ANO6: variants seen among roughly 807,000 people sequenced by gnomAD.
ANO6 encodes the protein anoctamin-6.
Under a neutral mutation model 117.5 loss-of-function variants are expected in ANO6, and 106 were observed. That is an observed-to-expected ratio of 0.90 (90% CI 0.77 to 1.06). The LOEUF is 1.06. Among genes scored for constraint, ANO6 ranks in the 50% least tolerant of loss-of-function variants. The pLI, the probability that ANO6 is intolerant of heterozygous loss-of-function variation, is 0.00. For missense variants in ANO6, 955 were observed against 1,121.1 expected (o/e 0.85, Z 2.12); for synonymous variants, 367 against 385.1 (o/e 0.95, Z 0.55).
At chr12:45,405,265 A>C (rs1345554303) in intron 15 of ANO6, among the ~76,000 whole-genome samples, 1 of 152,204 alleles carries the variant, frequency 6.6e-6, no homozygotes, top group African/African-American at 2.4e-5. Flanking sequence ...GAGATTAAAA[A>C]GGGTTTTCTG....
chr12:45,280,962 ATC>A (rs1430518298), intron 1 of ANO6, among the ~76,000 whole-genome samples: 1 of 151,940 alleles, frequency 6.6e-6, no homozygotes, highest in East Asian at 1.9e-4. Context: ...TGCTTCTCCC[ATC>A]TGTCATCTTT....
intron 7 of ANO6, among the ~76,000 whole-genome samples, chr12:45,354,863 A>G (rs1284152904): frequency 1.3e-5 from 2 of 152,236 alleles, no homozygotes; most frequent in Admixed American, 1.3e-4. Context: ...TAATGTAACT[A>G]TGTCAGGATG....
chr12:45,421,172 A>AG lies in ANO6; in HGVS notation c.2322dup (p.Tyr775ValfsTer25), dbSNP rs1217423441. On this transcript the variant is annotated frameshift_variant, in exon 18 of 20. Coordinates refer to ENST00000320560, the MANE Select transcript of ANO6 (RefSeq NM_001025356.3). LOFTEE classifies it high-confidence loss of function. ...GGGACCACACTTCCTACACCATGGAAGGGTACATCAACAACACTCTCTCCA... is the reference window on the plus strand; with the variant it reads ...GGGACCACACTTCCTACACCATGGAAGGGGTACATCAACAACACTCTCTCCA... 6.2e-7 allele frequency: 1 copy of AG among 1,614,164 alleles called. No homozygotes were observed. The highest frequency in any genetic ancestry group is 1.7e-5 in the Admixed American group (1 of 60,014).
chr12:45,223,388 CT>C (rs1195579194), intron 1 of ANO6, among the ~76,000 whole-genome samples: 2 of 152,178 alleles, frequency 1.3e-5, no homozygotes, highest in Non-Finnish European at 2.9e-5. Context: ...TGATTGCTTG[CT>C]TGTTGCTGGG....
rs559050785 is a variant in ANO6 at position 45,219,455 on chromosome 12, C to T, written c.70+3064C>T. Among the ~76,000 whole-genome samples, 43 of 152,128 alleles carry T rather than the reference C, an allele frequency of 2.8e-4. 1 individual carries two copies. The South Asian group carries it at 8.9e-3, about 32-fold the overall frequency. On this transcript the variant is annotated intron_variant, in intron 1 of 19. Transcript: ENST00000320560. ...GGCTCAAGCAATTCTCCAACCTTAGCCTCTTGAGTAGCTGGGACCACAGGC... is the reference window on the plus strand; with the variant it reads ...GGCTCAAGCAATTCTCCAACCTTAGTCTCTTGAGTAGCTGGGACCACAGGC...
downstream of ANO6, among the ~76,000 whole-genome samples, chr12:45,437,232 T>A (rs986251199): frequency 2.0e-5 from 3 of 152,208 alleles, no homozygotes; most frequent in African/African-American, 7.2e-5. Flanking sequence ...GCCTTTTTAC[T>A]GTCATTCTCT....
intron 10 of ANO6, among the ~76,000 whole-genome samples, chr12:45,385,152 C>T (rs1484927311): frequency 1.3e-5 from 2 of 152,276 alleles, no homozygotes; most frequent in South Asian, 4.2e-4. Context: ...AACCAAATCC[C>T]TGCACATGTG....
At chr12:45,264,550 A>T (rs749305755) in intron 1 of ANO6, among the ~76,000 whole-genome samples, 21 of 152,230 alleles carry the variant, frequency 1.4e-4, no homozygotes, top group Admixed American at 6.5e-5. Flanking sequence ...GCAACCTGTC[A>T]TGGACCAAAG....
intron 9 of ANO6, among the ~76,000 whole-genome samples, chr12:45,377,269 A>G (rs907871375): frequency 2.0e-5 from 3 of 152,176 alleles, no homozygotes; most frequent in Non-Finnish European, 2.9e-5. Flanking sequence ...AGGAAATGTA[A>G]AAATGCTCAC....
chr12:45,360,812 C>T (rs981684133), intron 8 of ANO6, among the ~76,000 whole-genome samples: 12 of 152,026 alleles, frequency 7.9e-5, no homozygotes, highest in African/African-American at 2.9e-4. Context: ...TTTCCATATC[C>T]GGGTATACCA....
At position 45,278,557 on chromosome 12, in the gene ANO6, T is replaced by A. The variant is rs183781440; in HGVS notation, c.71-23457T>A. ...TTTAATTTCCAAAAGCTCTTTTTTT[T>A]ATTCTTTGACTATTTCTCTCTTTCT... On this transcript the variant is annotated intron_variant, in intron 1 of 19. Coordinates refer to ENST00000320560, the MANE Select transcript of ANO6 (RefSeq NM_001025356.3). Among the ~76,000 whole-genome samples the A allele has an allele frequency of 1.2e-4, 18 of 152,342 alleles. No homozygotes were observed. In the East Asian group the frequency reaches 3.5e-3, roughly 29 times the overall value.
chr12:45,243,426 TA>T (rs1398013498), intron 1 of ANO6, among the ~76,000 whole-genome samples: 1 of 152,234 alleles, frequency 6.6e-6, no homozygotes, highest in Non-Finnish European at 1.5e-5. Flanking sequence ...ACCACTTTCT[TA>T]GTATTGTCCA....
At chr12:45,239,164 C>A (rs560567504) in intron 1 of ANO6, among the ~76,000 whole-genome samples, 2 of 152,190 alleles carry the variant, frequency 1.3e-5, no homozygotes, top group Admixed American at 6.5e-5. Context: ...GTGAATCCAT[C>A]TGGTCCTGGA....
chr12:45,390,434 T>A lies in ANO6; in HGVS notation c.1322T>A (p.Ile441Asn). 1.2e-6 allele frequency: 2 copies of A among 1,613,956 alleles called. No individual in the cohort carries two copies. The highest frequency in any genetic ancestry group is 1.7e-6 in the Non-Finnish European group (2 of 1,179,872). ...INEITQEEER[I>N]PFTAWGKCIR... The stretch of plus-strand genomic sequence containing the variant: ...TTTTGTAATTAGGAAGAAGAACGCA[T>A]TCCCTTTACTGCCTGGGGAAAATGT... Residue 441 changes from isoleucine to asparagine, a missense_variant, in exon 12 of 20, where the codon ATT (isoleucine) becomes AAT (asparagine). Ile to Asn is a moderately radical substitution (Grantham distance 149). Transcript: ENST00000320560.
intron 1 of ANO6, among the ~76,000 whole-genome samples, chr12:45,220,013 C>T (rs187799535): frequency 6.6e-6 from 1 of 152,256 alleles, no homozygotes; most frequent in East Asian, 1.9e-4. Flanking sequence ...GCTTTTCGCC[C>T]CCTCATCAGC....
intron 1 of ANO6, among the ~76,000 whole-genome samples, chr12:45,256,276 C>T (rs1157262606): frequency 6.6e-6 from 1 of 152,172 alleles, no homozygotes. Flanking sequence ...TTCCTGGCCT[C>T]ATCAAACACT....
At chr12:45,319,123 A>G (rs1001933892) in intron 2 of ANO6, among the ~76,000 whole-genome samples, 21 of 152,134 alleles carry the variant, frequency 1.4e-4, no homozygotes, top group African/African-American at 5.1e-4. Context: ...CTCCTGCCTG[A>G]TTGCCCTGGC....
At chr12:45,261,182 CAG>C (rs1470315102) in intron 1 of ANO6, among the ~76,000 whole-genome samples, 1 of 152,120 alleles carries the variant, frequency 6.6e-6, no homozygotes, top group Non-Finnish European at 1.5e-5. Flanking sequence ...GTGAAGGACA[CAG>C]AGAATATTTT....
intron 2 of ANO6, among the ~76,000 whole-genome samples, chr12:45,306,788 CAGATAATCCTGT>C (rs1939684559): frequency 6.7e-6 from 1 of 150,076 alleles, no homozygotes; most frequent in African/African-American, 2.5e-5. Context: ...ACACAAACGT[CAGATAATCCTGT>C]AGAGAAAAAG....
Sources: gnomAD v4.1 joint callset for allele counts (sites outside exome capture counted in the v4.1 genomes callset) on GRCh38, gnomAD v4.1.1 for gene constraint, MANE v1.5 for transcripts, NCBI Gene and HGNC (gene_info 2026-07-23, HGNC 2026-07-21) for gene names.